Variants in GPC6 observed in about 807,000 individuals in gnomAD.
The protein encoded by GPC6 is glypican-6.
Under a neutral mutation model 55.2 loss-of-function variants are expected in GPC6, and 14 were observed. The ratio of observed to expected loss-of-function variants is 0.25; its 90% CI spans 0.17 to 0.40. The LOEUF (loss-of-function observed/expected upper bound fraction) is 0.40. Among genes scored for constraint, GPC6 ranks in the 10% least tolerant of loss-of-function variants. The pLI is 1.00. For missense variants in GPC6, 641 were observed against 708.5 expected (o/e 0.90, Z 1.08); for synonymous variants, 278 against 259.6 (o/e 1.07, Z -0.68).
At chr13:93,962,879 G>A (rs537449626) in intron 3 of GPC6, among the ~76,000 whole-genome samples, 1 of 152,244 alleles carries the variant, frequency 6.6e-6, no homozygotes, top group African/African-American at 2.4e-5. Context: ...ATATTTCACA[G>A]CAATGGCAAT....
At chr13:93,943,642 G>A (rs1180262311) in intron 3 of GPC6, among the ~76,000 whole-genome samples, 2 of 151,922 alleles carry the variant, frequency 1.3e-5, no homozygotes, top group Admixed American at 6.6e-5. Context: ...CCAATGTAAA[G>A]ATGGCTTCTT....
intron 4 of GPC6, among the ~76,000 whole-genome samples, chr13:94,068,441 C>T (rs1884613522): frequency 6.6e-6 from 1 of 152,180 alleles, no homozygotes; most frequent in African/African-American, 2.4e-5. Flanking sequence ...CATTCCACCC[C>T]TGGCTCCTCT....
At chr13:93,578,104 G>T (rs1876752003) in intron 2 of GPC6, among the ~76,000 whole-genome samples, 1 of 152,096 alleles carries the variant, frequency 6.6e-6, no homozygotes, top group South Asian at 2.1e-4. Flanking sequence ...TGGTTTGCTA[G>T]TATTTTGTTG....
At chr13:93,941,005 T>C (rs1414949547) in intron 3 of GPC6, among the ~76,000 whole-genome samples, 1 of 152,214 alleles carries the variant, frequency 6.6e-6, no homozygotes, top group Non-Finnish European at 1.5e-5. Flanking sequence ...AAAAAGTTTT[T>C]GGCACATAAT....
At chr13:94,103,366 T>C (rs189790884) in intron 4 of GPC6, among the ~76,000 whole-genome samples, 2 of 152,336 alleles carry the variant, frequency 1.3e-5, no homozygotes, top group African/African-American at 4.8e-5. Context: ...CGTGTCTTTA[T>C]AGCACCATGA....
intron 2 of GPC6, among the ~76,000 whole-genome samples, chr13:93,806,116 C>A (rs1173878632): frequency 6.6e-6 from 1 of 152,112 alleles, no homozygotes; most frequent in Non-Finnish European, 1.5e-5. Flanking sequence ...GAATGCTTTT[C>A]TTTGAACACC....
At chr13:93,663,937 C>T (rs1389609540) in intron 2 of GPC6, among the ~76,000 whole-genome samples, 2 of 152,150 alleles carry the variant, frequency 1.3e-5, no homozygotes, top group Non-Finnish European at 2.9e-5. Context: ...CTAGAGGAGG[C>T]AAGAGCATGG....
intron 4 of GPC6, among the ~76,000 whole-genome samples, chr13:94,182,394 C>T (rs1256475093): frequency 6.6e-6 from 1 of 152,144 alleles, no homozygotes; most frequent in Non-Finnish European, 1.5e-5. Context: ...AGGATGGCTG[C>T]AGGAACATGG....
chr13:93,782,696 A>G (rs1201533884), intron 2 of GPC6, among the ~76,000 whole-genome samples: 8 of 152,136 alleles, frequency 5.3e-5, no homozygotes, highest in Admixed American at 5.2e-4. Flanking sequence ...GAGCACTTTT[A>G]CATATACCTG....
At chr13:94,339,458 C>A (rs539820496) in intron 6 of GPC6, among the ~76,000 whole-genome samples, 1 of 152,102 alleles carries the variant, frequency 6.6e-6, no homozygotes, top group Non-Finnish European at 1.5e-5. Context: ...ACTGCTCACT[C>A]GGGGCCTGTG....
At chr13:93,841,151 A>G (rs944472608) in intron 3 of GPC6, among the ~76,000 whole-genome samples, 4 of 152,162 alleles carry the variant, frequency 2.6e-5, no homozygotes, top group African/African-American at 7.2e-5. Flanking sequence ...TCAATGTTAC[A>G]AGGACATTCC....
intron 3 of GPC6, among the ~76,000 whole-genome samples, chr13:93,869,564 A>G (rs1316384949): frequency 6.6e-6 from 1 of 151,898 alleles, no homozygotes; most frequent in African/African-American, 2.4e-5. Flanking sequence ...AATGCTTCAT[A>G]AGGAGTTCAC....
At chr13:94,250,738 G>A (rs1891322990) in intron 4 of GPC6, among the ~76,000 whole-genome samples, 1 of 152,130 alleles carries the variant, frequency 6.6e-6, no homozygotes, top group Non-Finnish European at 1.5e-5. Flanking sequence ...ATATGGAGAG[G>A]TGGCAGTGGG....
At chr13:94,157,144 A>G (rs1435050557) in intron 4 of GPC6, among the ~76,000 whole-genome samples, 1 of 152,220 alleles carries the variant, frequency 6.6e-6, no homozygotes, top group East Asian at 1.9e-4. Context: ...CCCTCTTTAG[A>G]TGTATGGCTT....
At chr13:93,358,133 A>G (rs1880915031) in intron 1 of GPC6, among the ~76,000 whole-genome samples, 1 of 152,146 alleles carries the variant, frequency 6.6e-6, no homozygotes, top group Non-Finnish European at 1.5e-5. Flanking sequence ...GATCACTTCC[A>G]TTCAGGAGTT....
chr13:93,281,806 A>T (rs1326875616), intron 1 of GPC6, among the ~76,000 whole-genome samples: 2 of 152,026 alleles, frequency 1.3e-5, no homozygotes, highest in Admixed American at 1.3e-4. Context: ...ACGGAGTGAG[A>T]CTCCATCTCA....
In GPC6 at chr13:93,273,653, G is replaced by A. The variant is rs563526560; in HGVS notation, c.160+46037G>A. Among the ~76,000 whole-genome samples the A allele has an allele frequency of 4.8e-4, 73 of 152,068 alleles. No individual in the cohort carries two copies. In the South Asian group the frequency reaches 7.7e-3, roughly 16 times the overall value. ...AGCCTGGGCGACAGAGCGAGACTCC[G>A]TCTCAAAAAACAAACAAACAAACAA... On this transcript the variant is annotated intron_variant, in intron 1 of 8. Transcript: ENST00000377047.
chr13:93,689,872 T>G (rs2138778645), intron 2 of GPC6, among the ~76,000 whole-genome samples: 1 of 152,302 alleles, frequency 6.6e-6, no homozygotes, highest in East Asian at 1.9e-4. Flanking sequence ...ATCAGTCACT[T>G]AAATCAGTCC....
At chr13:93,779,655 C>T (rs1885576800) in intron 2 of GPC6, among the ~76,000 whole-genome samples, 2 of 152,150 alleles carry the variant, frequency 1.3e-5, no homozygotes, top group African/African-American at 2.4e-5. Context: ...ATGTTAGCGT[C>T]GTATGTGCTA....
Sources: allele counts gnomAD v4.1 joint callset (sites outside exome capture counted in the v4.1 genomes callset), GRCh38; gene constraint gnomAD v4.1.1; transcripts MANE v1.5; gene names NCBI Gene and HGNC (gene_info 2026-07-23, HGNC 2026-07-21).